The following DMXL1 variants were observed in gnomAD, a reference collection of about 807,000 sequenced individuals.
The protein encoded by DMXL1 is Dmx like 1, also known as dmX-like protein 1.
Under a neutral mutation model 319.2 loss-of-function variants are expected in DMXL1, and 99 were observed. That is an observed-to-expected ratio of 0.31 (90% confidence interval 0.26 to 0.37). DMXL1 has a LOEUF of 0.37. Ranked by LOEUF, DMXL1 falls within the 10% of genes least tolerant of loss-of-function variation. The probability of loss-of-function intolerance (pLI) is 1.00; values close to 1 mark genes in which losing one functional copy is unlikely to be tolerated. For missense variants in DMXL1, 3,745 were observed against 3,595.6 expected, an observed-to-expected ratio of 1.04 and a Z score of -1.06; for synonymous variants, 1,385 against 1,235.2, an observed-to-expected ratio of 1.12 and a Z score of -2.54.
intron 42 of DMXL1, among the ~76,000 whole-genome samples, chr5:119,244,014 G>A (rs1789275456): frequency 6.6e-6 from 1 of 152,146 alleles, no homozygotes; most frequent in African/African-American, 2.4e-5. Context: ...TTGGTCTAGG[G>A]CTGATTTTCC....
chr5:119,193,682 A>G, intron 29 of DMXL1, 146 bp from the exon 30 acceptor site: 1 of 773,924 alleles, frequency 1.3e-6, no homozygotes, highest in Non-Finnish European at 2.0e-6. Context: ...ATTGATGTCA[A>G]AGGCATAGGA....
At chr5:119,113,018 G>C (rs904984201) in intron 5 of DMXL1, among the ~76,000 whole-genome samples, 1 of 152,266 alleles carries the variant, frequency 6.6e-6, no homozygotes, top group South Asian at 2.1e-4. Flanking sequence ...GGATTAACCA[G>C]ATGTTCTAAA....
At chr5:119,234,765 A>G (rs1421862446) in intron 39 of DMXL1, among the ~76,000 whole-genome samples, 1 of 152,112 alleles carries the variant, frequency 6.6e-6, no homozygotes, top group African/African-American at 2.4e-5. Flanking sequence ...TTATCTCTCT[A>G]ATGCATCTTG....
In DMXL1 at chr5:119,244,353, T is replaced by C. The variant is rs1581524743; in HGVS notation, c.8705-6T>C. ...TGTTTTTGTTTTTTTTTTAATTTAC[T>C]TTCAGCATTTACCTGCCATGACAGT... On this transcript the variant is annotated splice_polypyrimidine_tract_variant and splice_region_variant and intron_variant, in intron 42 of 43. Coordinates refer to ENST00000539542, the MANE Select transcript of DMXL1 (RefSeq NM_001290321.3). The C allele has an allele frequency of 6.3e-7, 1 of 1,598,566 alleles. No individual in the cohort carries two copies. Among genetic ancestry groups the C allele is most frequent in the Non-Finnish European group, 8.5e-7 (1 of 1,173,464 alleles).
In DMXL1 at chr5:119,216,827, T is replaced by C; in HGVS notation, c.7927-74T>C. ...TAAAATAATTTATGCAAGTACTAAT[T>C]GATAGATTGGCATATATTATTAGTT... On this transcript the variant is annotated intron_variant, in intron 34 of 43. Coordinates refer to ENST00000539542, the MANE Select transcript of DMXL1 (RefSeq NM_001290321.3). 13 of 775,670 alleles carry C rather than the reference T, an allele frequency of 1.7e-5. No homozygotes were observed. The South Asian group carries it at 2.2e-4, about 13-fold the overall frequency. The allele number at this position is 775,670 out of a possible 1,614,324, so 48.0% of individuals were successfully genotyped here. A position where few individuals can be genotyped will look rare whatever the true frequency, so the allele number is the denominator to read the frequency against.
intron 32 of DMXL1, among the ~76,000 whole-genome samples, chr5:119,202,723 T>C (rs1168146541): frequency 6.6e-6 from 1 of 151,242 alleles, no homozygotes; most frequent in Admixed American, 6.6e-5. Context: ...TGGTGGCAGG[T>C]GCCTGTAATC....
intron 4 of DMXL1, among the ~76,000 whole-genome samples, chr5:119,106,572 A>G (rs1456092908): frequency 2.0e-5 from 3 of 152,210 alleles, no homozygotes; most frequent in African/African-American, 7.2e-5. Flanking sequence ...AAGTCATGCT[A>G]AAAATTTGAA....
chr5:119,186,134 T>TA (rs1581211429), intron 28 of DMXL1, among the ~76,000 whole-genome samples: 1 of 152,214 alleles, frequency 6.6e-6, no homozygotes, highest in East Asian at 1.9e-4. Context: ...GGGGCTCAGT[T>TA]AGAAGGTCCA....
intron 1 of DMXL1, among the ~76,000 whole-genome samples, chr5:119,084,499 C>A (rs772146564): frequency 8.5e-5 from 13 of 152,116 alleles, no homozygotes; most frequent in African/African-American, 3.1e-4. Context: ...ATTTTAGGGT[C>A]ATTTTTTTCT....
intron 25 of DMXL1, among the ~76,000 whole-genome samples, chr5:119,174,404 C>G (rs185298721): frequency 6.6e-6 from 1 of 152,202 alleles, no homozygotes; most frequent in East Asian, 1.9e-4. Flanking sequence ...ACGTCCAACT[C>G]TCTCTTGCAG....
intron 9 of DMXL1, chr5:119,128,129 G>T: frequency 2.0e-6 from 1 of 499,332 alleles, no homozygotes. Flanking sequence ...ACTCTTGTGA[G>T]CAGCAACTGA....
At chr5:119,169,171 C>G (rs144776795) in intron 23 of DMXL1, among the ~76,000 whole-genome samples, 400 of 152,302 alleles carry the variant, frequency 2.6e-3, no homozygotes, top group African/African-American at 9.3e-3. Flanking sequence ...AGCCACCACA[C>G]CTGGCCCTGG....
intron 28 of DMXL1, among the ~76,000 whole-genome samples, chr5:119,180,130 G>C (rs1776527963): frequency 6.6e-6 from 1 of 152,068 alleles, no homozygotes; most frequent in Non-Finnish European, 1.5e-5. Context: ...TGGTCTATTT[G>C]GAATAGAATA....
At chr5:119,083,377 T>A (rs1164841531) in intron 1 of DMXL1, among the ~76,000 whole-genome samples, 1 of 152,154 alleles carries the variant, frequency 6.6e-6, no homozygotes, top group African/African-American at 2.4e-5. Context: ...ATACTACATT[T>A]TTTTCATCCA....
At chr5:119,165,373 A>T (rs1773204582) in intron 21 of DMXL1, 93 bp downstream of exon 21, 2 of 648,814 alleles carry the variant, frequency 3.1e-6, no homozygotes, top group South Asian at 4.3e-5. Context: ...GTTCTTGTTG[A>T]TGTTGATTCA....
chr5:119,132,831 A>G, intron 10 of DMXL1: 1 of 549,830 alleles, frequency 1.8e-6, no homozygotes, highest in Non-Finnish European at 3.4e-6. Flanking sequence ...TTATTTTTTG[A>G]AAGTCCAAGT....
At chr5:119,105,140 T>C (rs200138401) in intron 3 of DMXL1, 40 bp from the exon 4 acceptor site, 2 of 1,282,278 alleles carry the variant, frequency 1.6e-6, no homozygotes, top group East Asian at 4.6e-5. Context: ...AGAGAAAATA[T>C]GCCAATCATA....
chr5:119,091,891 A>T (rs963682292), intron 1 of DMXL1, among the ~76,000 whole-genome samples: 1 of 152,180 alleles, frequency 6.6e-6, no homozygotes, highest in Non-Finnish European at 1.5e-5. Flanking sequence ...GGATGCAGAT[A>T]ATAATACTGC....
intron 38 of DMXL1, among the ~76,000 whole-genome samples, chr5:119,226,788 G>A (rs775902520): frequency 2.6e-5 from 4 of 152,148 alleles, no homozygotes; most frequent in Non-Finnish European, 4.4e-5. Flanking sequence ...TGATTAATTT[G>A]TTACACTGAT....
Sources: gnomAD v4.1 joint callset for allele counts (sites outside exome capture counted in the v4.1 genomes callset) on GRCh38, gnomAD v4.1.1 for gene constraint, MANE v1.5 for transcripts, NCBI Gene and HGNC (gene_info 2026-07-23, HGNC 2026-07-21) for gene names.